Variants in LMNTD1 observed in about 807,000 individuals in gnomAD.
The protein encoded by LMNTD1 is lamin tail domain containing 1, also known as lamin tail domain-containing protein 1.
Under a neutral mutation model 50.9 loss-of-function variants are expected in LMNTD1, and 35 were observed. The observed-to-expected ratio is 0.69, with a 90% CI of 0.53 to 0.91. LMNTD1 has a LOEUF of 0.91. LMNTD1 is among the 40% of genes least tolerant of loss of function. LMNTD1 has a pLI of 0.00. For synonymous variants in LMNTD1, 153 were observed against 161.9 expected (o/e 0.94, Z 0.42); for missense variants, 470 against 475.5 (o/e 0.99, Z 0.11).
chr12:25,496,373 T>A (rs549985415), intron 9 of LMNTD1, among the ~76,000 whole-genome samples: 44 of 152,330 alleles, frequency 2.9e-4, no homozygotes, highest in African/African-American at 1.1e-3. Context: ...CCTGCTAGTC[T>A]CCTCAAAACA....
chr12:25,556,238 G>A (rs1482796976), upstream of LMNTD1, among the ~76,000 whole-genome samples: 1 of 152,146 alleles, frequency 6.6e-6, no homozygotes, highest in Non-Finnish European at 1.5e-5. Flanking sequence ...TTCCCAAAGT[G>A]TTGGGATTAC....
chr12:25,637,520 A>G (rs1946860916), intron 1 of LMNTD1, among the ~76,000 whole-genome samples: 1 of 152,166 alleles, frequency 6.6e-6, no homozygotes, highest in Non-Finnish European at 1.5e-5. Flanking sequence ...ATCTGGCAGA[A>G]GAATCAGTAA....
At chr12:25,620,579 A>T (rs1481599009) in intron 1 of LMNTD1, among the ~76,000 whole-genome samples, 1 of 152,114 alleles carries the variant, frequency 6.6e-6, no homozygotes, top group African/African-American at 2.4e-5. Flanking sequence ...TGCTGCTATT[A>T]TGTGACTCTT....
intron 9 of LMNTD1, among the ~76,000 whole-genome samples, chr12:25,486,309 T>C (rs1481879494): frequency 6.6e-6 from 1 of 150,632 alleles, no homozygotes; most frequent in Non-Finnish European, 1.5e-5. Flanking sequence ...TCTCTGTTTG[T>C]CTGTTGTTGG....
chr12:25,578,137 CAT>C (rs1945113608), intron 1 of LMNTD1, among the ~76,000 whole-genome samples: 1 of 152,186 alleles, frequency 6.6e-6, no homozygotes, highest in African/African-American at 2.4e-5. Context: ...ATAGGGTACA[CAT>C]GTGCACACAT....
chr12:25,487,028 T>G (rs1938669052), intron 9 of LMNTD1, among the ~76,000 whole-genome samples: 1 of 151,140 alleles, frequency 6.6e-6, no homozygotes, highest in Admixed American at 6.6e-5. Flanking sequence ...TTCTTTTACA[T>G]TTGCTGAGGA....
intron 1 of LMNTD1, among the ~76,000 whole-genome samples, chr12:25,597,699 A>C (rs1245473842): frequency 1.3e-5 from 2 of 152,138 alleles, no homozygotes; most frequent in Non-Finnish European, 2.9e-5. Context: ...AATACACATT[A>C]TTTTCTTCAG....
At chr12:25,643,830 T>TTAGTTG (rs1947001847) in intron 1 of LMNTD1, among the ~76,000 whole-genome samples, 1 of 146,756 alleles carries the variant, frequency 6.8e-6, no homozygotes, top group African/African-American at 2.7e-5. Context: ...GTTAGTTGAT[T>TTAGTTG]ATGAGTCCAA....
At chr12:25,615,666 G>T (rs565061918) in intron 1 of LMNTD1, among the ~76,000 whole-genome samples, 1 of 152,080 alleles carries the variant, frequency 6.6e-6, no homozygotes, top group South Asian at 2.1e-4. Context: ...TCAACATGTT[G>T]CCCAGGCTGG....
upstream of LMNTD1, among the ~76,000 whole-genome samples, chr12:25,556,706 A>T (rs1256405311): frequency 6.6e-6 from 1 of 152,170 alleles, no homozygotes; most frequent in African/African-American, 2.4e-5. Context: ...GGTAATGAAA[A>T]CTGAGTTTCA....
chr12:25,522,983 T>C (rs10743566), intron 6 of LMNTD1, among the ~76,000 whole-genome samples: 52,181 of 152,108 alleles, frequency 0.34, 9,910 homozygotes, highest in East Asian at 0.43. Flanking sequence ...ACTCAAAAAG[T>C]AGTCTAAGAC....
At chr12:25,573,041 C>G (rs546682900) in intron 1 of LMNTD1, among the ~76,000 whole-genome samples, 1 of 152,014 alleles carries the variant, frequency 6.6e-6, no homozygotes, top group South Asian at 2.1e-4. Context: ...TTTGCACTTT[C>G]TCCTCTGTTT....
At chr12:25,559,805 A>T (rs1280676772) in intron 1 of LMNTD1, among the ~76,000 whole-genome samples, 1 of 152,222 alleles carries the variant, frequency 6.6e-6, no homozygotes, top group East Asian at 1.9e-4. Context: ...AGTGATGATG[A>T]ACATTTTTTC....
chr12:25,594,895 C>T (rs898102853), intron 1 of LMNTD1, among the ~76,000 whole-genome samples: 6 of 152,054 alleles, frequency 3.9e-5, no homozygotes, highest in African/African-American at 1.4e-4. Context: ...AAAGACATTC[C>T]ATGCAAATAG....
intron 1 of LMNTD1, among the ~76,000 whole-genome samples, chr12:25,591,184 G>T (rs750636108): frequency 1.4e-5 from 2 of 143,574 alleles, no homozygotes; most frequent in Non-Finnish European, 3.2e-5. Context: ...GGCCAGAGTG[G>T]GTTACCAGGC....
chr12:25,501,484 T>C (rs1939387957), intron 9 of LMNTD1, among the ~76,000 whole-genome samples: 2 of 151,990 alleles, frequency 1.3e-5, no homozygotes, highest in African/African-American at 4.8e-5. Flanking sequence ...CAAATTTGAG[T>C]GGGGAAAAAA....
At chr12:25,483,144 G>A (rs901251736) in intron 9 of LMNTD1, among the ~76,000 whole-genome samples, 4 of 151,952 alleles carry the variant, frequency 2.6e-5, no homozygotes, top group Non-Finnish European at 5.9e-5. Flanking sequence ...CTTAATGTGG[G>A]CTGGGCGTGG....
chr12:25,627,196 T>C (rs1050118481), intron 1 of LMNTD1, among the ~76,000 whole-genome samples: 12 of 152,336 alleles, frequency 7.9e-5, no homozygotes, highest in South Asian at 4.1e-4. Flanking sequence ...TCTGTAACTA[T>C]TGTTTATAAC....
chr12:25,543,055 CA>C (rs1943203223), intron 4 of LMNTD1, among the ~76,000 whole-genome samples: 1 of 151,848 alleles, frequency 6.6e-6, no homozygotes, highest in South Asian at 2.1e-4. Flanking sequence ...TCTTGAAAGA[CA>C]AAAACTACCC....
Sources: gnomAD v4.1 joint callset for allele counts (sites outside exome capture counted in the v4.1 genomes callset) on GRCh38, gnomAD v4.1.1 for gene constraint, MANE v1.5 for transcripts, NCBI Gene and HGNC (gene_info 2026-07-23, HGNC 2026-07-21) for gene names.